ANO3: variants seen among roughly 807,000 people sequenced by gnomAD.
ANO3 encodes anoctamin 3.
A neutral mutation model predicts 144.8 loss-of-function variants in ANO3; 99 were observed. That is an observed-to-expected ratio of 0.68 (90% CI 0.58 to 0.81). ANO3 has a LOEUF of 0.81. ANO3 is among the 30% of genes least tolerant of loss of function. The pLI, the probability that ANO3 is intolerant of heterozygous loss-of-function variation, is 0.00. For synonymous variants in ANO3, 414 were observed against 392.6 expected (o/e 1.05, Z -0.64); for missense variants, 905 against 1,202.2 (o/e 0.75, Z 3.66).
At chr11:26,507,944 A>T (rs1861502370) in intron 4 of ANO3, among the ~76,000 whole-genome samples, 160 bp from the exon 5 acceptor site, 1 of 152,216 alleles carries the variant, frequency 6.6e-6, no homozygotes, top group Admixed American at 6.5e-5. Flanking sequence ...CCTATAGTAG[A>T]TTGTAAACAC....
chr11:26,588,522 T>C (rs1487407192), intron 14 of ANO3, among the ~76,000 whole-genome samples: 1 of 152,232 alleles, frequency 6.6e-6, no homozygotes, highest in East Asian at 1.9e-4. Flanking sequence ...TCTGTAATGC[T>C]ATTACCTTCA....
intron 24 of ANO3, among the ~76,000 whole-genome samples, chr11:26,654,342 A>G (rs1853619366): frequency 6.6e-6 from 1 of 152,074 alleles, no homozygotes; most frequent in Non-Finnish European, 1.5e-5. Flanking sequence ...TGGCATTTTT[A>G]GATTTATGCC....
intron 19 of ANO3, among the ~76,000 whole-genome samples, 154 bp from the exon 20 acceptor site, chr11:26,634,859 T>C (rs1336553059): frequency 4.6e-5 from 7 of 152,214 alleles, no homozygotes; most frequent in Admixed American, 3.9e-4. Context: ...GTAAGTCAGA[T>C]ACTTTGATGT....
chr11:26,219,863 G>T (rs757573831), intron 1 of ANO3, among the ~76,000 whole-genome samples: 3 of 152,150 alleles, frequency 2.0e-5, no homozygotes, highest in Admixed American at 1.3e-4. Flanking sequence ...TGCATGTGCC[G>T]CACTGCAGCT....
chr11:26,546,792 G>C (rs951688973), intron 11 of ANO3, among the ~76,000 whole-genome samples: 1 of 151,996 alleles, frequency 6.6e-6, no homozygotes, highest in Non-Finnish European at 1.5e-5. Context: ...GCAACACACA[G>C]CTCTACCTTT....
intron 1 of ANO3, among the ~76,000 whole-genome samples, chr11:26,432,261 A>G (rs1858131014): frequency 6.6e-6 from 1 of 151,748 alleles, no homozygotes; most frequent in Non-Finnish European, 1.5e-5. Flanking sequence ...GGGGTATTTG[A>G]GTTTTTCTTG....
At chr11:26,565,701 G>C in intron 14 of ANO3, 1 of 1,612,978 alleles carries the variant, frequency 6.2e-7, no homozygotes, top group Non-Finnish European at 8.5e-7. Context: ...GTTTAAGTTT[G>C]CTTCACTTTC....
chr11:26,310,769 G>A (rs961458649), intron 1 of ANO3, among the ~76,000 whole-genome samples: 10 of 152,218 alleles, frequency 6.6e-5, no homozygotes, highest in South Asian at 6.2e-4. Context: ...TGGTATTATA[G>A]TATATTCTGT....
In ANO3 at chr11:26,400,708, A is replaced by G. The variant is rs1162055266; in HGVS notation, c.47-41210A>G. 2.6e-5 allele frequency among the ~76,000 whole-genome samples: 4 copies of G among 151,764 alleles called. No homozygotes were observed. In the South Asian group the frequency reaches 6.2e-4, roughly 24 times the overall value. On this transcript the variant is annotated intron_variant, in intron 1 of 26. Coordinates refer to ENST00000256737, the MANE Select transcript of ANO3 (RefSeq NM_031418.4). Reference sequence around the variant, plus strand: ...AAAACTTGCACATTACAACATATGCATACATATACATATATATATGTATAT... The same window carrying G: ...AAAACTTGCACATTACAACATATGCGTACATATACATATATATATGTATAT...
At chr11:26,373,828 A>G (rs1438405145) in intron 1 of ANO3, among the ~76,000 whole-genome samples, 1 of 152,222 alleles carries the variant, frequency 6.6e-6, no homozygotes, top group Non-Finnish European at 1.5e-5. Context: ...AGATAAGAAC[A>G]TGGAAGAACA....
chr11:26,493,607 A>G (rs1055427449), intron 4 of ANO3, among the ~76,000 whole-genome samples: 2 of 152,204 alleles, frequency 1.3e-5, no homozygotes, highest in African/African-American at 4.8e-5. Flanking sequence ...TGAATTATAT[A>G]TGACTTTTTG....
At chr11:26,282,264 A>C (rs983021840) in intron 1 of ANO3, among the ~76,000 whole-genome samples, 1 of 152,048 alleles carries the variant, frequency 6.6e-6, no homozygotes, top group African/African-American at 2.4e-5. Flanking sequence ...TCCAGAAATA[A>C]ATCTGAACTG....
chr11:26,486,430 A>G (rs1860455825), intron 4 of ANO3, among the ~76,000 whole-genome samples: 1 of 151,770 alleles, frequency 6.6e-6, no homozygotes, highest in South Asian at 2.1e-4. Flanking sequence ...AAAACTATAC[A>G]TTTTTTATAT....
intron 1 of ANO3, among the ~76,000 whole-genome samples, chr11:26,440,749 C>A (rs1858481901): frequency 6.6e-6 from 1 of 152,042 alleles, no homozygotes; most frequent in Non-Finnish European, 1.5e-5. Context: ...GGGTGATCCA[C>A]AGAAAAATCT....
In ANO3 at chr11:26,535,722, A is replaced by G. The variant is rs530869836; in HGVS notation, c.976+1160A>G. Reference sequence around the variant, plus strand: ...CTCAGCCTCCCGAGTGGCTGGAACTACAGGCACCCTCCACCACGCCCGGCT... The same window carrying G: ...CTCAGCCTCCCGAGTGGCTGGAACTGCAGGCACCCTCCACCACGCCCGGCT... On this transcript the variant is annotated intron_variant, in intron 9 of 26. Coordinates refer to ENST00000256737, the MANE Select transcript of ANO3 (RefSeq NM_031418.4). 6.6e-4 allele frequency among the ~76,000 whole-genome samples: 100 copies of G among 151,556 alleles called. 1 individual carries two copies. The highest frequency in any genetic ancestry group is 1.3e-3 in the Non-Finnish European group (90 of 67,896).
In ANO3 at chr11:26,617,931, G is replaced by A. The variant is rs79799279; in HGVS notation, c.1837-6531G>A. Among the ~76,000 whole-genome samples the A allele has an allele frequency of 5.8e-4, 89 of 152,150 alleles. No individual in the cohort carries two copies. In the East Asian group the frequency reaches 0.017, roughly 29 times the overall value. ...TTAACCTATGGATTTAATCAAGTAG[G>A]GCTAGATTAAAACCATTAATGTTAA... On this transcript the variant is annotated intron_variant, in intron 17 of 26. Transcript: ENST00000256737.
At chr11:26,597,160 C>T (rs2839797) in intron 14 of ANO3, among the ~76,000 whole-genome samples, 44,017 of 152,040 alleles carry the variant, frequency 0.29, 6,725 homozygotes, top group South Asian at 0.46. Context: ...ATGTTACCGG[C>T]GGGTCTTTGT....
chr11:26,485,492 C>T (rs183125750), intron 4 of ANO3, among the ~76,000 whole-genome samples: 229 of 152,220 alleles, frequency 1.5e-3, no homozygotes, highest in African/African-American at 4.7e-3. Flanking sequence ...TCCCGAGCCA[C>T]GCTTCCTGTA....
At chr11:26,239,040 ATT>A (rs1852596408) in intron 1 of ANO3, among the ~76,000 whole-genome samples, 1 of 92,016 alleles carries the variant, frequency 1.1e-5, no homozygotes, top group Admixed American at 1.1e-4. Flanking sequence ...TATAAATATA[ATT>A]TAATATTTAT....
Sources: allele counts gnomAD v4.1 joint callset (sites outside exome capture counted in the v4.1 genomes callset), GRCh38; gene constraint gnomAD v4.1.1; transcripts MANE v1.5; gene names NCBI Gene and HGNC (gene_info 2026-07-23, HGNC 2026-07-21).